PCDH15: variants seen among roughly 807,000 people sequenced by gnomAD.
PCDH15 encodes protocadherin-15.
In PCDH15, 129 loss-of-function variants were observed where a neutral mutation model predicts 178.5. That is an observed-to-expected ratio of 0.72 (90% CI 0.63 to 0.84). PCDH15 has a LOEUF of 0.84. Ranked by LOEUF, PCDH15 falls within the 40% of genes least tolerant of loss-of-function variation. The pLI is 0.00. For synonymous variants in PCDH15, 800 were observed against 732.0 expected (o/e 1.09, Z -1.50); for missense variants, 2,230 against 2,099.9 (o/e 1.06, Z -1.21).
intron 2 of PCDH15, among the ~76,000 whole-genome samples, chr10:55,013,581 A>T (rs1591835628): frequency 6.6e-6 from 1 of 152,102 alleles, no homozygotes; most frequent in African/African-American, 2.4e-5. Flanking sequence ...CATCAATCTC[A>T]ACTCAGTGAT....
At chr10:55,401,594 C>CTGTGTGTGTGTGTG (rs3074786) in intron 2 of PCDH15, among the ~76,000 whole-genome samples, 1,425 of 133,144 alleles carry the variant, frequency 0.011, 39 homozygotes, top group African/African-American at 0.038. Flanking sequence ...ATTTGCCTTA[C>CTGTGTGTGTGTGTG]TGTGTGTGTG....
At chr10:53,925,341 C>T (rs886958523) in intron 25 of PCDH15, among the ~76,000 whole-genome samples, 2 of 152,078 alleles carry the variant, frequency 1.3e-5, no homozygotes, top group South Asian at 2.1e-4. Context: ...TAACGCTTAC[C>T]GCGAAGGTCT....
intron 1 of PCDH15, among the ~76,000 whole-genome samples, chr10:55,282,760 T>A (rs903720574): frequency 1.3e-5 from 2 of 152,200 alleles, no homozygotes; most frequent in African/African-American, 4.8e-5. Flanking sequence ...TAGAAACATT[T>A]CAGTAAGTTT....
chr10:54,629,552 A>G (rs750994027), intron 2 of PCDH15, among the ~76,000 whole-genome samples: 2 of 152,276 alleles, frequency 1.3e-5, no homozygotes, highest in African/African-American at 4.8e-5. Flanking sequence ...ACATCTCTTT[A>G]TGATAAAAAC....
At chr10:54,993,235 C>T (rs978566930) in intron 2 of PCDH15, among the ~76,000 whole-genome samples, 1 of 152,164 alleles carries the variant, frequency 6.6e-6, no homozygotes, top group African/African-American at 2.4e-5. Flanking sequence ...CAATTAAAGA[C>T]CTCAAAGTCA....
At chr10:55,538,554 CTCCT>C (rs1841655698) in intron 2 of PCDH15, among the ~76,000 whole-genome samples, 1 of 117,020 alleles carries the variant, frequency 8.5e-6, no homozygotes, top group Non-Finnish European at 1.8e-5. Flanking sequence ...TCCTTCCTTC[CTCCT>C]TTCCTTCCTT....
At chr10:55,489,170 C>T (rs1353914920) in intron 2 of PCDH15, among the ~76,000 whole-genome samples, 1 of 151,426 alleles carries the variant, frequency 6.6e-6, no homozygotes, top group Admixed American at 6.6e-5. Flanking sequence ...TAATTACCTA[C>T]AGAGGCAAGT....
rs114933669 is a variant in PCDH15 at position 55,306,356 on chromosome 10, T to G, written c.-156+13243A>C. Reference sequence around the variant, plus strand: ...TACACTTGGGCTTTGCGATGAAATGTTTTTCCCCTTACACAGTTCCTATCA... The same window carrying G: ...TACACTTGGGCTTTGCGATGAAATGGTTTTCCCCTTACACAGTTCCTATCA... On this transcript the variant is annotated intron_variant, in intron 1 of 5. Coordinates refer to the PCDH15 transcript ENST00000458638. Among the ~76,000 whole-genome samples the G allele has an allele frequency of 1.9e-3, 288 of 152,328 alleles. 3 individuals are homozygous for G. Among genetic ancestry groups the G allele is most frequent in the African/African-American group, 6.2e-3 (256 of 41,582 alleles).
At chr10:55,257,127 A>T (rs1391255223) in intron 1 of PCDH15, among the ~76,000 whole-genome samples, 1 of 152,088 alleles carries the variant, frequency 6.6e-6, no homozygotes, top group Non-Finnish European at 1.5e-5. Context: ...TCTGGAGTGG[A>T]CCTCCAGCAA....
chr10:54,289,611 G>A (rs752745683), intron 8 of PCDH15, among the ~76,000 whole-genome samples: 9 of 152,168 alleles, frequency 5.9e-5, no homozygotes, highest in Non-Finnish European at 1.3e-4. Context: ...AGCTAAAGGA[G>A]CAAGTTTGAA....
chr10:54,953,860 A>AT (rs1431185754), intron 2 of PCDH15, among the ~76,000 whole-genome samples: 1 of 151,264 alleles, frequency 6.6e-6, no homozygotes, highest in African/African-American at 2.4e-5. Context: ...ATTATTTACA[A>AT]TTTTTTAAAA....
At chr10:54,021,823 T>C (rs2092929487) in intron 19 of PCDH15, among the ~76,000 whole-genome samples, 1 of 151,968 alleles carries the variant, frequency 6.6e-6, no homozygotes, top group South Asian at 2.1e-4. Context: ...TTCACCTTTG[T>C]ATCCCCAAAG....
chr10:54,599,808 C>A, intron 2 of PCDH15: 1 of 581,064 alleles, frequency 1.7e-6, no homozygotes, highest in South Asian at 1.7e-5. Flanking sequence ...AGAAGGAAGC[C>A]TCTAGTGAAA....
At chr10:54,480,578 T>A (rs568747786) in intron 3 of PCDH15, among the ~76,000 whole-genome samples, 1 of 152,182 alleles carries the variant, frequency 6.6e-6, no homozygotes, top group South Asian at 2.1e-4. Context: ...ATAAAATGTG[T>A]CACATTTGAC....
At chr10:55,258,343 C>G (rs562545208) in intron 1 of PCDH15, among the ~76,000 whole-genome samples, 6 of 152,248 alleles carry the variant, frequency 3.9e-5, no homozygotes, top group African/African-American at 1.4e-4. Flanking sequence ...TTGCCCTACC[C>G]TAATGGAAGA....
At chr10:54,807,946 C>T (rs546545047) in intron 3 of PCDH15, among the ~76,000 whole-genome samples, 1 of 151,196 alleles carries the variant, frequency 6.6e-6, no homozygotes, top group East Asian at 1.9e-4. Context: ...GCTGAAATGG[C>T]CTCAGTTATT....
intron 3 of PCDH15, among the ~76,000 whole-genome samples, chr10:54,500,546 A>G (rs1310474689): frequency 6.6e-6 from 1 of 152,114 alleles, no homozygotes; most frequent in Non-Finnish European, 1.5e-5. Context: ...CAAAGGTTCC[A>G]TAGTCAGGCC....
intron 3 of PCDH15, among the ~76,000 whole-genome samples, chr10:54,891,999 A>G (rs1462356870): frequency 6.6e-6 from 1 of 152,076 alleles, no homozygotes; most frequent in Non-Finnish European, 1.5e-5. Context: ...CATAGTTCTT[A>G]ACACATTTTT....
At chr10:54,972,416 T>C (rs1838956364) in intron 2 of PCDH15, among the ~76,000 whole-genome samples, 2 of 152,042 alleles carry the variant, frequency 1.3e-5, no homozygotes, top group Non-Finnish European at 2.9e-5. Context: ...GATAGGCACC[T>C]ATAAGCTCAG....
Sources: allele counts gnomAD v4.1 joint callset (sites outside exome capture counted in the v4.1 genomes callset), GRCh38; gene constraint gnomAD v4.1.1; transcripts MANE v1.5; gene names NCBI Gene and HGNC (gene_info 2026-07-23, HGNC 2026-07-21).